TMIGD3: variants seen among roughly 807,000 people sequenced by gnomAD.
TMIGD3 encodes the protein transmembrane and immunoglobulin domain containing 3.
Under a neutral mutation model 28.1 loss-of-function variants are expected in TMIGD3, and 21 were observed. The observed-to-expected ratio is 0.75, with a 90% CI of 0.53 to 1.08. The LOEUF is 1.08. TMIGD3 is among the 50% of genes least tolerant of loss of function. The probability of loss-of-function intolerance (pLI) is 0.00; values close to 1 mark genes in which losing one functional copy is unlikely to be tolerated. For synonymous variants in TMIGD3, 151 were observed against 162.1 expected (o/e 0.93, Z 0.52); for missense variants, 416 against 435.6 (o/e 0.96, Z 0.40).
intron 1 of TMIGD3, among the ~76,000 whole-genome samples, chr1:111,545,498 G>T (rs1020717691): frequency 4.6e-5 from 7 of 151,686 alleles, no homozygotes; most frequent in Admixed American, 2.0e-4. Flanking sequence ...GAATTTTAAG[G>T]GTTCTTTATG....
chr1:111,530,025 G>A (rs1486928349), intron 1 of TMIGD3, among the ~76,000 whole-genome samples: 8 of 147,776 alleles, frequency 5.4e-5, no homozygotes, highest in Non-Finnish European at 7.5e-5. Context: ...CCTCCCGGAC[G>A]GGGCGGCTGG....
chr1:111,516,062 G>A (rs1655855511), intron 1 of TMIGD3, among the ~76,000 whole-genome samples: 1 of 152,250 alleles, frequency 6.6e-6, no homozygotes, highest in African/African-American at 2.4e-5. Flanking sequence ...ACCCCGTCAT[G>A]AGAGCAATTG....
intron 1 of TMIGD3, among the ~76,000 whole-genome samples, chr1:111,524,943 C>A (rs1656214793): frequency 6.6e-6 from 1 of 152,036 alleles, no homozygotes; most frequent in South Asian, 2.1e-4. Context: ...TTGATTTTTT[C>A]TTTGACTTGT....
chr1:111,522,670 C>G (rs1216991993), intron 1 of TMIGD3, among the ~76,000 whole-genome samples: 1 of 152,074 alleles, frequency 6.6e-6, no homozygotes, highest in Non-Finnish European at 1.5e-5. Flanking sequence ...GCGCGTGCCA[C>G]CATGCCCAGC....
rs1464907690 is a variant in TMIGD3, at chr1:111,483,396, T to C, written c.*291A>G. ...TTATTGGCTAACAAAATACAAGTGATTTCCTGGTCCCCAATCCAGATTCTC... is the reference window on the plus strand; with the variant it reads ...TTATTGGCTAACAAAATACAAGTGACTTCCTGGTCCCCAATCCAGATTCTC... On this transcript the variant is annotated 3_prime_UTR_variant, in exon 6 of 6. Coordinates refer to ENST00000369716, the MANE Select transcript of TMIGD3 (RefSeq NM_020683.7). The C allele has an allele frequency of 1.1e-5, 4 of 360,366 alleles. No homozygotes were observed. Among genetic ancestry groups the C allele is most frequent in the Non-Finnish European group, 2.0e-5 (4 of 195,250 alleles). The allele number at this position is 360,366 out of a possible 1,614,324, so 22.3% of individuals were successfully genotyped here. A position where few individuals can be genotyped will look rare whatever the true frequency, so the allele number is the denominator to read the frequency against.
chr1:111,509,444 G>A (rs921285033), intron 1 of TMIGD3, among the ~76,000 whole-genome samples: 2 of 152,154 alleles, frequency 1.3e-5, no homozygotes, highest in African/African-American at 4.8e-5. Flanking sequence ...CAGTGGTAGG[G>A]CCTCATCCCT....
At chr1:111,545,661 T>A (rs1657009528) in intron 1 of TMIGD3, among the ~76,000 whole-genome samples, 1 of 152,186 alleles carries the variant, frequency 6.6e-6, no homozygotes, top group South Asian at 2.1e-4. Context: ...CTTTTATTGC[T>A]TGTGCTTTTT....
intron 1 of TMIGD3, among the ~76,000 whole-genome samples, chr1:111,498,817 G>A (rs868461245): frequency 6.6e-6 from 1 of 152,172 alleles, no homozygotes; most frequent in Admixed American, 6.5e-5. Context: ...CAGGTGCAAT[G>A]GTTCACACCT....
chr1:111,524,028 C>CTTTTTT (rs35046603), intron 1 of TMIGD3, among the ~76,000 whole-genome samples: 34 of 108,782 alleles, frequency 3.1e-4, no homozygotes, highest in African/African-American at 9.2e-4. Context: ...TCTTTCTTTT[C>CTTTTTT]TTTTTTTTTT....
At position 111,483,544 on chromosome 1, in the gene TMIGD3, G is replaced by C; in HGVS notation, c.*143C>G. 1 of 744,880 alleles carries C rather than the reference G, an allele frequency of 1.3e-6. No homozygotes were observed. The highest frequency in any genetic ancestry group is 2.7e-5 in the East Asian group (1 of 36,374). The allele number at this position is 744,880 out of a possible 1,614,324, so 46.1% of individuals were successfully genotyped here. Reference sequence around the variant, plus strand: ...CCTCTGACTACCGCCGTTGCTACCTGGCTGCAAATGATTGTTGTCAAGGAT... The same window carrying C: ...CCTCTGACTACCGCCGTTGCTACCTCGCTGCAAATGATTGTTGTCAAGGAT... On this transcript the variant is annotated 3_prime_UTR_variant, in exon 6 of 6. Coordinates refer to ENST00000369716, the MANE Select transcript of TMIGD3 (RefSeq NM_020683.7).
In TMIGD3 at chr1:111,489,044, C is replaced by G. The variant is rs1654526649; in HGVS notation, c.458-20G>C. ...TGGCATCTGTGAAAACACACACACA[C>G]ACGCACACGTGCACACACACACACC... On this transcript the variant is annotated intron_variant, in intron 2 of 5. Transcript: ENST00000369716. The G allele has an allele frequency of 6.3e-7, 1 of 1,583,782 alleles. No individual in the cohort carries two copies. The highest frequency in any genetic ancestry group is 8.6e-7 in the Non-Finnish European group (1 of 1,158,404).
At chr1:111,542,743 C>G (rs570610032) in intron 1 of TMIGD3, among the ~76,000 whole-genome samples, 1 of 151,950 alleles carries the variant, frequency 6.6e-6, no homozygotes, top group African/African-American at 2.4e-5. Context: ...GTCACCCAGG[C>G]TGGAGTGCAG....
rs1571396950 is a variant in TMIGD3, at chr1:111,486,749, G to A, written c.806-97C>T. 3.9e-6 allele frequency: 4 copies of A among 1,020,962 alleles called. No individual in the cohort carries two copies. The East Asian group carries it at 7.2e-5, about 18-fold the overall frequency. The allele number at this position is 1,020,962 out of a possible 1,614,324, so 63.2% of individuals were successfully genotyped here. A position where few individuals can be genotyped will look rare whatever the true frequency, so the allele number is the denominator to read the frequency against. On this transcript the variant is annotated intron_variant, in intron 3 of 5. Transcript: ENST00000369716. ...CTCTGCCTGTCATTCTATGTCCAGAGAGTGAGTCCCCTGGTTGACTCCAGA... is the reference window on the plus strand; with the variant it reads ...CTCTGCCTGTCATTCTATGTCCAGAAAGTGAGTCCCCTGGTTGACTCCAGA...
chr1:111,494,892 G>C lies in TMIGD3; in HGVS notation c.351-4130C>G, dbSNP rs191140401. Among the ~76,000 whole-genome samples the C allele has an allele frequency of 7.9e-5, 12 of 152,276 alleles. No homozygotes were observed. The East Asian group carries it at 2.3e-3, about 29-fold the overall frequency. Reference sequence around the variant, plus strand: ...GACAAAACTGACAAAACAAGCAGTGGGGAAAAGACTCCCTATTCAATAAAT... The same window carrying C: ...GACAAAACTGACAAAACAAGCAGTGCGGAAAAGACTCCCTATTCAATAAAT... On this transcript the variant is annotated intron_variant, in intron 1 of 5. Transcript: ENST00000369716.
chr1:111,530,008 C>T (rs1477320229), intron 1 of TMIGD3, among the ~76,000 whole-genome samples: 1 of 98,196 alleles, frequency 1.0e-5, no homozygotes, highest in African/African-American at 4.2e-5. Context: ...GCTGACCCCC[C>T]CACCTCCCTC....
At chr1:111,507,035 G>A (rs976033193), upstream of TMIGD3, among the ~76,000 whole-genome samples, 55 of 53,766 alleles carry the variant, frequency 1.0e-3, no homozygotes, top group Middle Eastern at 0.013. Context: ...GTGTGTGTGT[G>A]TGTGTATATA....
At chr1:111,531,114 C>G (rs1656443755) in intron 1 of TMIGD3, among the ~76,000 whole-genome samples, 1 of 152,044 alleles carries the variant, frequency 6.6e-6, no homozygotes, top group Non-Finnish European at 1.5e-5. Context: ...TTCGTCTCTA[C>G]AAAAAATGCA....
At chr1:111,553,225 C>T (rs1309298894) in intron 1 of TMIGD3, among the ~76,000 whole-genome samples, 2 of 152,162 alleles carry the variant, frequency 1.3e-5, no homozygotes, top group African/African-American at 4.8e-5. Context: ...ATGTCTTTCT[C>T]CAAGGCAAAG....
intron 1 of TMIGD3, among the ~76,000 whole-genome samples, chr1:111,523,859 T>G (rs1043092338): frequency 9.2e-5 from 14 of 151,940 alleles, no homozygotes; most frequent in African/African-American, 2.2e-4. Context: ...TCAATCAGAC[T>G]AAGGTTTATC....
Sources: allele counts gnomAD v4.1 joint callset (sites outside exome capture counted in the v4.1 genomes callset), GRCh38; gene constraint gnomAD v4.1.1; transcripts MANE v1.5; gene names NCBI Gene and HGNC (gene_info 2026-07-23, HGNC 2026-07-21).